The following DPP6 variants were observed in gnomAD, a reference collection of about 807,000 sequenced individuals.
DPP6 encodes the protein A-type potassium channel modulatory protein DPP6.
Under a neutral mutation model 122.6 loss-of-function variants are expected in DPP6, and 69 were observed. The ratio of observed to expected loss-of-function variants is 0.56; its 90% CI spans 0.46 to 0.69. The LOEUF (loss-of-function observed/expected upper bound fraction) is 0.69, where lower values mean the gene tolerates loss of function less well. Ranked by LOEUF, DPP6 falls within the 30% of genes least tolerant of loss-of-function variation. The pLI, the probability that DPP6 is intolerant of heterozygous loss-of-function variation, is 0.00. For synonymous variants in DPP6, 418 were observed against 433.1 expected (o/e 0.97, Z 0.43); for missense variants, 928 against 1,116.9 (o/e 0.83, Z 2.41).
chr7:154,889,191 C>T lies in DPP6; in HGVS notation c.2305-81C>T. 9.7e-6 allele frequency: 15 copies of T among 1,539,532 alleles called. No homozygotes were observed. In the South Asian group the frequency reaches 1.9e-4, roughly 19 times the overall value. On this transcript the variant is annotated intron_variant, in intron 23 of 25. Coordinates refer to ENST00000377770, the MANE Select transcript of DPP6 (RefSeq NM_130797.4). ...GTTTTCAATACACTTCACCTACCTT[C>T]TCAGTCAGGTTTCCAAGCAGAACAC... is the stretch of plus-strand genomic sequence containing the variant.
chr7:154,339,658 T>C lies in DPP6; in HGVS notation c.244-106556T>C, dbSNP rs1481499355. Among the ~76,000 whole-genome samples, 3 of 152,114 alleles carry C rather than the reference T, an allele frequency of 2.0e-5. No individual in the cohort carries two copies. The East Asian group carries it at 5.8e-4, about 29-fold the overall frequency. The stretch of plus-strand genomic sequence containing the variant: ...ACACTAGTTTTTTTTTTTCATTGCA[T>C]TGGGTTAGGAAGTTTGCAGCTGGTA... On this transcript the variant is annotated intron_variant, in intron 1 of 25. Coordinates refer to ENST00000377770, the MANE Select transcript of DPP6 (RefSeq NM_130797.4).
chr7:154,270,865 C>T (rs1803740566), intron 1 of DPP6, among the ~76,000 whole-genome samples: 1 of 152,136 alleles, frequency 6.6e-6, no homozygotes, highest in African/African-American at 2.4e-5. Context: ...TGGGGCTTTC[C>T]ACGCCTCAGC....
chr7:153,891,656 T>C (rs890746842), intron 1 of DPP6, among the ~76,000 whole-genome samples: 38 of 152,184 alleles, frequency 2.5e-4, no homozygotes, highest in African/African-American at 9.2e-4. Flanking sequence ...AGAAGGGTGT[T>C]GCTTCGTGCT....
At chr7:154,388,192 A>G (rs558710434) in intron 1 of DPP6, among the ~76,000 whole-genome samples, 6 of 152,266 alleles carry the variant, frequency 3.9e-5, no homozygotes, top group African/African-American at 1.4e-4. Flanking sequence ...AGTCCCAGCT[A>G]CTTGGGAGCT....
intron 3 of DPP6, among the ~76,000 whole-genome samples, chr7:154,515,843 T>C (rs902949996): frequency 2.6e-5 from 4 of 152,036 alleles, no homozygotes; most frequent in Non-Finnish European, 5.9e-5. Context: ...AGCTCTAAGT[T>C]CCCACAGTGC....
intron 16 of DPP6, among the ~76,000 whole-genome samples, chr7:154,829,582 A>G (rs1267699552): frequency 6.6e-6 from 1 of 152,126 alleles, no homozygotes; most frequent in East Asian, 1.9e-4. Context: ...AAAGGGACTG[A>G]ATTTCCAAGC....
chr7:154,659,674 C>G (rs1235343169), intron 6 of DPP6, among the ~76,000 whole-genome samples: 1 of 152,158 alleles, frequency 6.6e-6, no homozygotes, highest in Non-Finnish European at 1.5e-5. Context: ...AAATTTACAC[C>G]TTCTTGGAAT....
At chr7:154,017,406 A>G (rs1798473385) in intron 1 of DPP6, among the ~76,000 whole-genome samples, 1 of 152,064 alleles carries the variant, frequency 6.6e-6, no homozygotes, top group African/African-American at 2.4e-5. Flanking sequence ...ATATTTCAAA[A>G]TATCTAGAGG....
rs1411314189 is a variant in DPP6 at position 154,605,005 on chromosome 7, T to C, written c.628-32816T>C. Among the ~76,000 whole-genome samples, 7 of 56,398 alleles carry C rather than the reference T, an allele frequency of 1.2e-4. 2 individuals are homozygous for C. 37.0% of individuals were successfully genotyped at this position (56,398 alleles called of 152,430 possible). ...TATTTTCATGCCTAAGTGTGTTTTC[T>C]GTATGCTTTGGTATCTCTTTTTTTT... On this transcript the variant is annotated intron_variant, in intron 5 of 25. Transcript: ENST00000377770.
the DPP6 span, among the ~76,000 whole-genome samples, chr7:153,757,369 T>C: frequency 6.8e-6 from 1 of 146,698 alleles, no homozygotes; most frequent in African/African-American, 2.6e-5. Flanking sequence ...TTTTTCATTT[T>C]GTTTTTCATA....
At chr7:154,702,470 T>G (rs1294243393) in intron 7 of DPP6, among the ~76,000 whole-genome samples, 3 of 152,262 alleles carry the variant, frequency 2.0e-5, no homozygotes. Flanking sequence ...AAATTAAAAT[T>G]GCTGCTCCAG....
chr7:154,204,601 G>A (rs1037532385), intron 1 of DPP6, among the ~76,000 whole-genome samples: 3 of 152,128 alleles, frequency 2.0e-5, no homozygotes, highest in Non-Finnish European at 4.4e-5. Flanking sequence ...TCAGACCTGC[G>A]AGCCCCATTT....
intron 1 of DPP6, among the ~76,000 whole-genome samples, chr7:154,178,983 C>T (rs917112397): frequency 6.6e-6 from 1 of 151,642 alleles, no homozygotes; most frequent in African/African-American, 2.4e-5. Context: ...GATTCCTGGC[C>T]CCCAGCCCCT....
chr7:154,008,872 A>G (rs1182306127), intron 1 of DPP6, among the ~76,000 whole-genome samples: 7 of 150,610 alleles, frequency 4.6e-5, no homozygotes, highest in Non-Finnish European at 8.9e-5. Context: ...TCACCGTGTT[A>G]GCCAGGATGG....
At chr7:154,364,856 G>A (rs1358701917) in intron 1 of DPP6, among the ~76,000 whole-genome samples, 1 of 152,184 alleles carries the variant, frequency 6.6e-6, no homozygotes, top group Non-Finnish European at 1.5e-5. Context: ...GTCAACTTCA[G>A]CTACATGGGA....
At chr7:154,796,512 C>T (rs1798057835) in intron 12 of DPP6, among the ~76,000 whole-genome samples, 1 of 152,216 alleles carries the variant, frequency 6.6e-6, no homozygotes, top group South Asian at 2.1e-4. Flanking sequence ...TATTTTCTTT[C>T]TTCAAGCCTT....
intron 5 of DPP6, among the ~76,000 whole-genome samples, chr7:154,575,058 G>GTT (rs1831462460): frequency 8.8e-6 from 1 of 113,578 alleles, no homozygotes; most frequent in African/African-American, 3.4e-5. Context: ...TGTGTGTGGT[G>GTT]TGTTTGGTGT....
chr7:154,415,921 C>G (rs1816975707), intron 1 of DPP6, among the ~76,000 whole-genome samples: 1 of 151,756 alleles, frequency 6.6e-6, no homozygotes, highest in Admixed American at 6.6e-5. Flanking sequence ...ACCCTCCCTG[C>G]TACAACCCTT....
chr7:153,773,761 T>C, the DPP6 span, among the ~76,000 whole-genome samples: 1 of 150,308 alleles, frequency 6.7e-6, no homozygotes, highest in Non-Finnish European at 1.5e-5. Flanking sequence ...AAGAAAGATC[T>C]TAAATCAATC....
Sources: gnomAD v4.1 joint callset for allele counts (sites outside exome capture counted in the v4.1 genomes callset) on GRCh38, gnomAD v4.1.1 for gene constraint, MANE v1.5 for transcripts, NCBI Gene and HGNC (gene_info 2026-07-23, HGNC 2026-07-21) for gene names.